The following TRIOBP variants were observed in gnomAD, a reference collection of about 807,000 sequenced individuals.
TRIOBP encodes the protein TRIO and F-actin-binding protein.
In TRIOBP, 169 loss-of-function variants were observed where a neutral mutation model predicts 238.8. The observed-to-expected ratio is 0.71, with a 90% confidence interval of 0.62 to 0.80. The LOEUF (loss-of-function observed/expected upper bound fraction) is 0.80. TRIOBP is among the 30% of genes least tolerant of loss of function. The probability of loss-of-function intolerance (pLI) is 0.00; values close to 1 mark genes in which losing one functional copy is unlikely to be tolerated. For missense variants in TRIOBP, 2,838 were observed against 3,122.6 expected (o/e 0.91, Z 2.17); for synonymous variants, 1,150 against 1,274.4 (o/e 0.90, Z 2.08).
chr22:37,714,164 G>A (rs958397066), intron 5 of TRIOBP, among the ~76,000 whole-genome samples: 1 of 152,182 alleles, frequency 6.6e-6, no homozygotes, highest in African/African-American at 2.4e-5. Flanking sequence ...CATCTGGGAA[G>A]TAGTGGGGCT....
In TRIOBP at chr22:37,701,312, C is replaced by A; in HGVS notation, c.-54C>A. 1 of 1,455,816 alleles carries A rather than the reference C, an allele frequency of 6.9e-7. No individual in the cohort carries two copies. The allele number at this position is 1,455,816 out of a possible 1,614,324, so 90.2% of individuals were successfully genotyped here. A position where few individuals can be genotyped will look rare whatever the true frequency, so the allele number is the denominator to read the frequency against. On this transcript the variant is annotated 5_prime_UTR_variant, in exon 3 of 24. Coordinates refer to ENST00000644935, the MANE Select transcript of TRIOBP (RefSeq NM_001039141.3). ...TCCCCCTCATTTTTGCCAGGCCTCA[C>A]ATAGACGGTCAGCCATTGGATCATA...
At chr22:37,756,900 G>A (rs1810174182) in intron 15 of TRIOBP, among the ~76,000 whole-genome samples, 1 of 152,338 alleles carries the variant, frequency 6.6e-6, no homozygotes, top group South Asian at 2.1e-4. Flanking sequence ...CATCCCCCTT[G>A]CCACTGTGAG....
chr22:37,746,840 G>T (rs1178871899), intron 11 of TRIOBP, among the ~76,000 whole-genome samples: 3 of 152,218 alleles, frequency 2.0e-5, no homozygotes, highest in Non-Finnish European at 4.4e-5. Context: ...AGGGGCGCTC[G>T]TGGGTGCGGA....
intron 11 of TRIOBP, chr22:37,750,768 G>A (rs898414652): frequency 1.3e-5 from 6 of 470,178 alleles, no homozygotes; most frequent in African/African-American, 1.2e-4. Context: ...GGGCTCCGTG[G>A]GTGGAGAGTG....
Position 37,774,070 on chromosome 22 carries a change from G to A in TRIOBP, c.*290G>A, listed in dbSNP as rs571468382. 1 of 150,046 alleles carries A rather than the reference G, an allele frequency of 6.7e-6. No individual in the cohort carries two copies. Among genetic ancestry groups the A allele is most frequent in the East Asian group, 2.0e-4 (1 of 5,100 alleles). 9.3% of individuals were successfully genotyped at this position (150,046 alleles called of 1,614,324 possible). A position where few individuals can be genotyped will look rare whatever the true frequency, so the allele number is the denominator to read the frequency against. ...GCACCTTCTTCAGGATTTTATATGT[G>A]AAGAGATTTTTATATAGATTTTTTT... On this transcript the variant is annotated 3_prime_UTR_variant, in exon 24 of 24. Transcript: ENST00000644935.
intron 17 of TRIOBP, among the ~76,000 whole-genome samples, chr22:37,764,449 T>C (rs1007707636): frequency 1.3e-5 from 2 of 152,216 alleles, no homozygotes; most frequent in Non-Finnish European, 2.9e-5. Flanking sequence ...AGCAGCTGCC[T>C]GTGTCCCATT....
At chr22:37,701,541 C>A in intron 3 of TRIOBP, 62 bp downstream of exon 3, 2 of 1,212,112 alleles carry the variant, frequency 1.7e-6, no homozygotes, top group Non-Finnish European at 2.4e-6. Context: ...AAGGACTGGG[C>A]CTGTGGTGTC....
chr22:37,745,765 C>T (rs1925191053), intron 11 of TRIOBP, among the ~76,000 whole-genome samples: 1 of 152,192 alleles, frequency 6.6e-6, no homozygotes, highest in Non-Finnish European at 1.5e-5. Context: ...CGACTCTTGG[C>T]GAGTGGGACC....
At position 37,772,635 on chromosome 22, in the gene TRIOBP, T is replaced by A; in HGVS notation, c.6971T>A (p.Val2324Asp). 6.2e-7 allele frequency: 1 copy of A among 1,614,092 alleles called. No individual in the cohort carries two copies. The highest frequency in any genetic ancestry group is 2.2e-5 in the East Asian group (1 of 44,864). Reference protein sequence around the residue: ...KRFTSGKYQDVYVELSHIKTR... With the variant: ...KRFTSGKYQDDYVELSHIKTR... ...TTCACCTCGGGAAAGTACCAGGACGTCTATGTGGAGCTGAGCCACATCAAG... is the reference window on the plus strand; with the variant it reads ...TTCACCTCGGGAAAGTACCAGGACGACTATGTGGAGCTGAGCCACATCAAG... Residue 2324 changes from valine (V) to aspartate (D), a missense_variant, in exon 23 of 24, where the codon GTC becomes GAC. Val to Asp is a radical substitution (Grantham distance 152). This residue lies in a region of TRIOBP where 2,096 missense variants were observed against 2,137.4 expected (regional missense o/e 0.98). Transcript: ENST00000644935.
chr22:37,713,663 G>A (rs1923373304), intron 5 of TRIOBP, among the ~76,000 whole-genome samples: 1 of 152,232 alleles, frequency 6.6e-6, no homozygotes, highest in Non-Finnish European at 1.5e-5. Flanking sequence ...GCCGACAGGA[G>A]CTCTGGGTGA....
rs530042023 is a variant in TRIOBP, at chr22:37,776,092, C to T, written c.*2312C>T. 6.6e-6 allele frequency: 1 copy of T among 152,342 alleles called. No homozygotes were observed. The highest frequency in any genetic ancestry group is 1.5e-5 in the Non-Finnish European group (1 of 68,140). The allele number at this position is 152,342 out of a possible 1,614,324, so 9.4% of individuals were successfully genotyped here. On this transcript the variant is annotated 3_prime_UTR_variant, in exon 24 of 24. Coordinates refer to ENST00000644935, the MANE Select transcript of TRIOBP (RefSeq NM_001039141.3). ...CCTCCCTTCTAGCCTCAACCTAACT[C>T]AGGGCTCCCCCGTCTCACACCTGGG...
chr22:37,711,308 G>A (rs1439169485), intron 4 of TRIOBP, among the ~76,000 whole-genome samples: 3 of 152,074 alleles, frequency 2.0e-5, no homozygotes, highest in Admixed American at 2.0e-4. Context: ...CCTGGGTGCA[G>A]TGGCTCATGC....
intron 22 of TRIOBP, 75 bp downstream of exon 22, chr22:37,771,811 C>T (rs766832285): frequency 7.5e-7 from 1 of 1,333,582 alleles, no homozygotes; most frequent in South Asian, 1.2e-5. Context: ...AGCACCTGCT[C>T]TGTGCCAAGC....
At chr22:37,773,087 A>G (rs1926864189) in intron 23 of TRIOBP, among the ~76,000 whole-genome samples, 1 of 152,074 alleles carries the variant, frequency 6.6e-6, no homozygotes, top group Non-Finnish European at 1.5e-5. Context: ...GTGAATCTCC[A>G]CTGAGCTTCA....
chr22:37,709,709 T>C (rs1007240563), intron 3 of TRIOBP, among the ~76,000 whole-genome samples: 25 of 152,094 alleles, frequency 1.6e-4, no homozygotes, highest in African/African-American at 5.8e-4. Context: ...GAGCAGCCGT[T>C]CCCCCCTGGT....
At chr22:37,750,037 G>A (rs2145860146) in intron 11 of TRIOBP, among the ~76,000 whole-genome samples, 1 of 152,328 alleles carries the variant, frequency 6.6e-6, no homozygotes, top group Non-Finnish European at 1.5e-5. Flanking sequence ...TGATGTGTCT[G>A]TACTGGGCTC....
intron 5 of TRIOBP, among the ~76,000 whole-genome samples, chr22:37,713,658 C>A (rs1388836331): frequency 1.3e-5 from 2 of 152,226 alleles, no homozygotes; most frequent in Admixed American, 6.5e-5. Flanking sequence ...TTTCAGCCGA[C>A]AGGAGCTCTG....
At chr22:37,701,159 G>A (rs1922625644) in intron 2 of TRIOBP, 147 bp from the exon 3 acceptor site, 2 of 555,184 alleles carry the variant, frequency 3.6e-6, no homozygotes, top group East Asian at 3.2e-5. Flanking sequence ...TAAATGAACA[G>A]GAATGGATGG....
chr22:37,741,299 C>T (rs1924924463), intron 11 of TRIOBP, among the ~76,000 whole-genome samples: 1 of 152,212 alleles, frequency 6.6e-6, no homozygotes, highest in Non-Finnish European at 1.5e-5. Context: ...CAGCTGAAAG[C>T]TTCCAATCAG....
Sources: allele counts gnomAD v4.1 joint callset (sites outside exome capture counted in the v4.1 genomes callset), GRCh38; gene constraint gnomAD v4.1.1; regional missense constraint gnomAD v4.1.1; transcripts MANE v1.5; gene names NCBI Gene and HGNC (gene_info 2026-07-23, HGNC 2026-07-21).